Variants in R3HDM1 observed in about 807,000 individuals in gnomAD.
R3HDM1 encodes the protein R3H domain containing 1, also known as R3H domain-containing protein 1.
In R3HDM1, 46 loss-of-function variants were observed where a neutral mutation model predicts 141.1. The observed-to-expected ratio is 0.33, with a 90% CI of 0.26 to 0.42. The LOEUF (loss-of-function observed/expected upper bound fraction) is 0.42, where lower values mean the gene tolerates loss of function less well. Among genes scored for constraint, R3HDM1 ranks in the 10% least tolerant of loss-of-function variants. The pLI is 1.00. For missense variants in R3HDM1, 1,184 were observed against 1,368.3 expected, an observed-to-expected ratio of 0.87 and a Z score of 2.12; for synonymous variants, 435 against 472.9, an observed-to-expected ratio of 0.92 and a Z score of 1.04.
chr2:135,595,576 G>A (rs1437331280), intron 1 of R3HDM1, among the ~76,000 whole-genome samples: 1 of 152,242 alleles, frequency 6.6e-6, no homozygotes, highest in Non-Finnish European at 1.5e-5. Context: ...AGCATTGGGA[G>A]TAGTGCTTAG....
chr2:135,704,878 A>G (rs1219753470), intron 21 of R3HDM1, among the ~76,000 whole-genome samples: 2 of 152,298 alleles, frequency 1.3e-5, no homozygotes, highest in South Asian at 4.1e-4. Flanking sequence ...ATACTCTTAC[A>G]TTTTATGAAT....
chr2:135,720,254 A>G (rs1481187221), intron 24 of R3HDM1, among the ~76,000 whole-genome samples: 1 of 152,126 alleles, frequency 6.6e-6, no homozygotes, highest in African/African-American at 2.4e-5. Flanking sequence ...AGAGTATGTC[A>G]TGCATATGTC....
intron 1 of R3HDM1, among the ~76,000 whole-genome samples, chr2:135,564,735 A>T (rs1218390124): frequency 6.6e-6 from 1 of 152,248 alleles, no homozygotes; most frequent in Non-Finnish European, 1.5e-5. Flanking sequence ...TTTTATAAAT[A>T]AATATGTAAT....
chr2:135,617,124 C>T (rs572099887), intron 5 of R3HDM1, among the ~76,000 whole-genome samples: 1 of 152,142 alleles, frequency 6.6e-6, no homozygotes, highest in East Asian at 1.9e-4. Context: ...GAGATCGAGA[C>T]CATCCTGGCT....
chr2:135,634,364 G>A (rs1029667554), intron 9 of R3HDM1, among the ~76,000 whole-genome samples: 2 of 152,174 alleles, frequency 1.3e-5, no homozygotes, highest in African/African-American at 2.4e-5. Context: ...TCTAGGGCCA[G>A]GCGCAATGTC....
intron 7 of R3HDM1, among the ~76,000 whole-genome samples, chr2:135,630,309 C>CAA (rs1240227634): frequency 5.1e-5 from 4 of 79,080 alleles, no homozygotes; most frequent in South Asian, 4.5e-4. Context: ...AAAAAAAAAA[C>CAA]AAAAAAAAAA....
At chr2:135,657,589 C>A (rs1162333768) in intron 18 of R3HDM1, among the ~76,000 whole-genome samples, 3 of 151,954 alleles carry the variant, frequency 2.0e-5, no homozygotes. Flanking sequence ...TAAAAACTAA[C>A]CTAGGAATAT....
chr2:135,649,258 G>C (rs2064860316), intron 16 of R3HDM1: 1 of 151,812 alleles, frequency 6.6e-6, no homozygotes, highest in Non-Finnish European at 1.5e-5. Flanking sequence ...GTAGAGACGG[G>C]GTTTCACCAT....
intron 1 of R3HDM1, among the ~76,000 whole-genome samples, chr2:135,569,451 C>G (rs1176838042): frequency 6.6e-6 from 1 of 151,658 alleles, no homozygotes; most frequent in East Asian, 1.9e-4. Flanking sequence ...CCACTGCACT[C>G]CAGCCTGGGC....
At chr2:135,603,354 T>TAA (rs2059776460) in intron 2 of R3HDM1, among the ~76,000 whole-genome samples, 2 of 152,130 alleles carry the variant, frequency 1.3e-5, no homozygotes, top group Non-Finnish European at 2.9e-5. Flanking sequence ...TTCAAATTGA[T>TAA]ATAGAGAAAA....
intron 20 of R3HDM1, among the ~76,000 whole-genome samples, chr2:135,677,237 C>T (rs1290372778): frequency 6.6e-6 from 1 of 152,090 alleles, no homozygotes; most frequent in Non-Finnish European, 1.5e-5. Context: ...AACCCTTTAC[C>T]ATAGAACACA....
intron 1 of R3HDM1, chr2:135,596,934 A>C (rs2105084191): frequency 4.9e-6 from 4 of 820,674 alleles, no homozygotes; most frequent in South Asian, 1.1e-4. Context: ...ATGTGGAGTC[A>C]TAGGATATGT....
At chr2:135,576,219 G>A (rs894040051) in intron 1 of R3HDM1, among the ~76,000 whole-genome samples, 5 of 151,954 alleles carry the variant, frequency 3.3e-5, no homozygotes, top group Non-Finnish European at 7.4e-5. Context: ...ATAACATGGC[G>A]AAACCCTGAC....
In R3HDM1 at chr2:135,710,181, C is replaced by G; in HGVS notation, c.2686C>G (p.Gln896Glu). The change falls in exon 23 of 27, where the codon CAG becomes GAG. Residue 896 changes from glutamine (Q) to glutamate (E), a missense_variant. Physicochemically the swap from Gln to Glu is conservative, Grantham distance 29 (BLOSUM62 2). Around this residue, in one of 5 missense-constraint regions of R3HDM1, gnomAD observed 563 missense variants for 562.0 expected, o/e 1.00. Coordinates refer to ENST00000683871, the MANE Select transcript of R3HDM1 (RefSeq NM_001378107.1). ...WKQNKYYCDH[Q>E]RGQKCVEFSS... The stretch of plus-strand genomic sequence containing the variant: ...ACAAAACAAATATTACTGTGATCAC[C>G]AGAGAGGACAGAAGTGTGTAGAATT... 1 of 1,614,078 alleles carries G rather than the reference C, an allele frequency of 6.2e-7. No homozygotes were observed. Among genetic ancestry groups the G allele is most frequent in the East Asian group, 2.2e-5 (1 of 44,890 alleles).
At chr2:135,690,657 G>A (rs956088056) in intron 21 of R3HDM1, among the ~76,000 whole-genome samples, 1 of 152,238 alleles carries the variant, frequency 6.6e-6, no homozygotes, top group East Asian at 1.9e-4. Flanking sequence ...TACTTTCACT[G>A]CTAAAACATT....
chr2:135,672,441 G>A (rs766149409), intron 19 of R3HDM1, among the ~76,000 whole-genome samples: 2 of 152,062 alleles, frequency 1.3e-5, no homozygotes, highest in African/African-American at 4.8e-5. Flanking sequence ...TTGCTGGAAT[G>A]AGCTTTTCCT....
At chr2:135,538,432 A>G (rs2046930216) in intron 1 of R3HDM1, among the ~76,000 whole-genome samples, 1 of 152,182 alleles carries the variant, frequency 6.6e-6, no homozygotes, top group African/African-American at 2.4e-5. Context: ...TTTATAAAAT[A>G]TTTTTCTATC....
At chr2:135,645,273 A>G in intron 15 of R3HDM1, 106 bp from the exon 16 acceptor site, 1 of 969,478 alleles carries the variant, frequency 1.0e-6, no homozygotes, top group Non-Finnish European at 1.5e-6. Flanking sequence ...GTTTTTTTTT[A>G]ATTGTGGTTA....
intron 24 of R3HDM1, chr2:135,721,670 C>A: frequency 2.9e-6 from 1 of 340,968 alleles, no homozygotes; most frequent in Non-Finnish European, 5.7e-6. Flanking sequence ...TCACTGCAAC[C>A]TCTACCTCCC....
Sources: allele counts gnomAD v4.1 joint callset (sites outside exome capture counted in the v4.1 genomes callset), GRCh38; gene constraint gnomAD v4.1.1; regional missense constraint gnomAD v4.1.1; transcripts MANE v1.5; gene names NCBI Gene and HGNC (gene_info 2026-07-23, HGNC 2026-07-21).